Variants in MTERF3 observed in about 807,000 individuals in gnomAD.
MTERF3 encodes the protein transcription termination factor 3, mitochondrial.
A neutral mutation model predicts 40.5 loss-of-function variants in MTERF3; 40 were observed. That is an observed-to-expected ratio of 0.99 (90% CI 0.77 to 1.29). MTERF3 has a LOEUF of 1.29. Ranked by LOEUF, MTERF3 falls within the 50% of genes most tolerant of loss-of-function variation. MTERF3 has a pLI of 0.00. For missense variants in MTERF3, 452 were observed against 478.2 expected (o/e 0.95, Z 0.51); for synonymous variants, 158 against 166.6 (o/e 0.95, Z 0.40).
intron 1 of MTERF3, 45 bp from the exon 2 acceptor site, chr8:96,258,745 T>G: frequency 7.2e-7 from 1 of 1,383,428 alleles, no homozygotes; most frequent in South Asian, 1.4e-5. Context: ...AAATTTAATT[T>G]ACTTAAATGT....
chr8:96,241,761 C>T (rs1488034441), intron 7 of MTERF3, among the ~76,000 whole-genome samples: 1 of 152,110 alleles, frequency 6.6e-6, no homozygotes, highest in East Asian at 1.9e-4. Flanking sequence ...ATATTAAATT[C>T]TTCGGAGTTA....
intron 7 of MTERF3, among the ~76,000 whole-genome samples, chr8:96,241,945 CT>C (rs981188218): frequency 3.3e-5 from 5 of 152,170 alleles, no homozygotes; most frequent in African/African-American, 1.2e-4. Flanking sequence ...CCTAAAACTG[CT>C]TTTGTTATCC....
At chr8:96,259,571 G>C (rs1181610073) in intron 1 of MTERF3, among the ~76,000 whole-genome samples, 1 of 152,172 alleles carries the variant, frequency 6.6e-6, no homozygotes, top group Non-Finnish European at 1.5e-5. Context: ...CAGCTAATTA[G>C]AAAGGTAAAT....
chr8:96,246,083 C>T, intron 5 of MTERF3, 152 bp from the exon 6 acceptor site: 2 of 838,934 alleles, frequency 2.4e-6, no homozygotes, highest in East Asian at 2.7e-5. Flanking sequence ...AAGATTAATA[C>T]TGTTTGGAAA....
At chr8:96,240,638 G>T (rs756818182) in intron 7 of MTERF3, among the ~76,000 whole-genome samples, 1 of 152,174 alleles carries the variant, frequency 6.6e-6, no homozygotes, top group African/African-American at 2.4e-5. Flanking sequence ...GCTACAGAAA[G>T]AAGAGACAAA....
chr8:96,253,572 T>G (rs1810224231), intron 3 of MTERF3, among the ~76,000 whole-genome samples: 1 of 152,170 alleles, frequency 6.6e-6, no homozygotes, highest in South Asian at 2.1e-4. Context: ...TCAAAAATAC[T>G]GTCTGACAGA....
chr8:96,240,197 G>A (rs558709798), intron 7 of MTERF3, among the ~76,000 whole-genome samples: 87 of 151,158 alleles, frequency 5.8e-4, no homozygotes, highest in Non-Finnish European at 9.0e-4. Context: ...GCAGTGAGCC[G>A]AGATCGCGCC....
chr8:96,245,727 C>T, intron 6 of MTERF3, 133 bp downstream of exon 6: 1 of 737,702 alleles, frequency 1.4e-6, no homozygotes, highest in Non-Finnish European at 2.2e-6. Flanking sequence ...AGATAATTTC[C>T]TATTTCTCTT....
chr8:96,251,192 C>G, intron 3 of MTERF3, 97 bp from the exon 4 acceptor site: 1 of 895,698 alleles, frequency 1.1e-6, no homozygotes, highest in Non-Finnish European at 1.6e-6. Flanking sequence ...GAGATCAACA[C>G]CTATCCAAAG....
chr8:96,239,666 A>T lies in MTERF3; in HGVS notation c.1079T>A (p.Phe360Tyr), dbSNP rs746912502. The change falls in exon 8 of 8, where the codon TTT (phenylalanine) becomes TAT (tyrosine). Residue 360 changes from phenylalanine to tyrosine, a missense_variant. By Grantham distance (22) the Phe-to-Tyr change is conservative (BLOSUM62 3). Coordinates refer to ENST00000287025, the MANE Select transcript of MTERF3 (RefSeq NM_015942.5). Reference sequence around the variant, plus strand: ...AAACAAGTGTCTTTCTTTGACCTTAAACAGCCTTGTATTAAATACCTAGAA... The same window carrying T: ...AAACAAGTGTCTTTCTTTGACCTTATACAGCCTTGTATTAAATACCTAGAA... Reference protein sequence around the residue: ...KFPQVFNTRLFKVKERHLFLT... With the variant: ...KFPQVFNTRLYKVKERHLFLT... 1 of 1,594,434 alleles carries T rather than the reference A, an allele frequency of 6.3e-7. No individual in the cohort carries two copies. The highest frequency in any genetic ancestry group is 8.5e-7 in the Non-Finnish European group (1 of 1,175,296).
intron 4 of MTERF3, among the ~76,000 whole-genome samples, chr8:96,248,206 A>C (rs978125220): frequency 3.3e-5 from 5 of 152,226 alleles, no homozygotes; most frequent in African/African-American, 4.8e-5. Flanking sequence ...CCTTTGACCT[A>C]GCATTTCCAC....
At chr8:96,241,189 A>G (rs1231467021) in intron 7 of MTERF3, among the ~76,000 whole-genome samples, 2 of 152,224 alleles carry the variant, frequency 1.3e-5, no homozygotes, top group East Asian at 3.9e-4. Flanking sequence ...AGGTGGGCGG[A>G]TCACGAAGTC....
chr8:96,252,415 A>G (rs1810202937), intron 3 of MTERF3, among the ~76,000 whole-genome samples: 1 of 152,228 alleles, frequency 6.6e-6, no homozygotes, highest in Non-Finnish European at 1.5e-5. Context: ...GAATCTAAAC[A>G]TACATTAACT....
Position 96,250,971 on chromosome 8 carries a change from T to A in MTERF3, c.612A>T (p.Gln204His), listed in dbSNP as rs368164737. 2.5e-6 allele frequency: 4 copies of A among 1,607,750 alleles called. No individual in the cohort carries two copies. Among genetic ancestry groups the A allele is most frequent in the Non-Finnish European group, 3.4e-6 (4 of 1,178,534 alleles). ...GATTTTTTGTCAGGAATGCTCCCAG[T>A]TGGTTATCCTCTATACCCACATCTT... ...FLKDVGIEDN[Q>H]LGAFLTKNHA... Residue 204 changes from glutamine to histidine, a missense_variant, in exon 4 of 8, where the codon CAA (glutamine) becomes CAT (histidine). By Grantham distance (24) the Gln-to-His change is conservative. Transcript: ENST00000287025.
chr8:96,258,838 TA>T (rs1390005634), intron 1 of MTERF3, 138 bp from the exon 2 acceptor site: 1 of 642,066 alleles, frequency 1.6e-6, no homozygotes, highest in Non-Finnish European at 2.5e-6. Flanking sequence ...ATATTTAGTC[TA>T]AAATAGTGAG....
rs200746575 is a variant in MTERF3, at chr8:96,258,493, T to C, written c.198A>G (p.Leu66=). The C allele has an allele frequency of 1.2e-6, 2 of 1,614,186 alleles. No homozygotes were observed. Among genetic ancestry groups the C allele is most frequent in the Admixed American group, 1.7e-5 (1 of 60,036 alleles). ...AGCTAGTAGACTGGGAACTATTCCA[T>C]AAGGAGGAAGTCCTGTAAGTCTTAA... The part of the protein sequence containing the change: ...WGFKTYRTSS[L]WNSSQSTSSS... Residue 66 remains leucine, a synonymous_variant, in exon 2 of 8, where the codon TTA becomes TTG. Transcript: ENST00000287025.
chr8:96,253,007 TAAA>T (rs1006565662), intron 3 of MTERF3, among the ~76,000 whole-genome samples: 2 of 152,166 alleles, frequency 1.3e-5, no homozygotes, highest in African/African-American at 4.8e-5. Context: ...ATTGGGGTTA[TAAA>T]AAAAGAATAA....
intron 4 of MTERF3, among the ~76,000 whole-genome samples, chr8:96,250,301 C>G (rs199735382): frequency 6.7e-6 from 1 of 148,706 alleles, no homozygotes; most frequent in East Asian, 2.0e-4. Flanking sequence ...TAAGTGCACT[C>G]TCAGATAAGT....
At chr8:96,259,156 C>T (rs887530583) in intron 1 of MTERF3, among the ~76,000 whole-genome samples, 7 of 152,156 alleles carry the variant, frequency 4.6e-5, no homozygotes, top group Non-Finnish European at 5.9e-5. Flanking sequence ...TATTCAAATG[C>T]ATTTTATGTA....
Sources: allele counts gnomAD v4.1 joint callset (sites outside exome capture counted in the v4.1 genomes callset), GRCh38; gene constraint gnomAD v4.1.1; transcripts MANE v1.5; gene names NCBI Gene and HGNC (gene_info 2026-07-23, HGNC 2026-07-21).